RUVBL2: variants seen among roughly 807,000 people sequenced by gnomAD.
RUVBL2 encodes the protein RuvB like AAA ATPase 2.
Under a neutral mutation model 57.9 loss-of-function variants are expected in RUVBL2, and 9 were observed. That is an observed-to-expected ratio of 0.16 (90% CI 0.09 to 0.27). RUVBL2 has a LOEUF of 0.27. Ranked by LOEUF, RUVBL2 falls within the 10% of genes least tolerant of loss-of-function variation. The pLI is 1.00. For missense variants in RUVBL2, 456 were observed against 669.6 expected, an observed-to-expected ratio of 0.68 and a Z score of 3.52; for synonymous variants, 278 against 264.6, an observed-to-expected ratio of 1.05 and a Z score of -0.49.
chr19:49,015,069 G>A lies in RUVBL2; in HGVS notation c.1170G>A (p.Leu390=). 6.2e-7 allele frequency: 1 copy of A among 1,609,046 alleles called. No homozygotes were observed. Among genetic ancestry groups the A allele is most frequent in the Non-Finnish European group, 8.5e-7 (1 of 1,177,792 alleles). Reference sequence around the variant, plus strand: ...TGAGTGAGGACGCCTACACGGTGCTGACCCGCATCGGGCTGGAGACGTCAC... The same window carrying A: ...TGAGTGAGGACGCCTACACGGTGCTAACCCGCATCGGGCTGGAGACGTCAC... The part of the protein sequence containing the change: ...VEMSEDAYTV[L]TRIGLETSLR... The change falls in exon 13 of 15, where the codon CTG becomes CTA. Residue 390 remains leucine, a synonymous_variant. Transcript: ENST00000595090.
At position 49,007,154 on chromosome 19, in the gene RUVBL2, G is replaced by C. The variant is rs559622624; in HGVS notation, c.395+7G>C. ...CCATCGGCGTTCGCATCAAGTAAGC[G>C]GGGGACCCGAGGCGGGTGCCAGACC... On this transcript the variant is annotated splice_region_variant and intron_variant, in intron 5 of 14. Coordinates refer to ENST00000595090, the MANE Select transcript of RUVBL2 (RefSeq NM_006666.3). 2 of 1,613,238 alleles carry C rather than the reference G, an allele frequency of 1.2e-6. No individual in the cohort carries two copies. The highest frequency in any genetic ancestry group is 1.1e-5 in the South Asian group (1 of 91,078).
At chr19:48,994,140 T>G in intron 1 of RUVBL2, 1 of 596,756 alleles carries the variant, frequency 1.7e-6, no homozygotes, top group Non-Finnish European at 3.0e-6. Context: ...GGGGCTGGGA[T>G]CCCAGAATCT....
At chr19:49,015,189 C>T (rs760738782) in intron 13 of RUVBL2, 39 bp downstream of exon 13, 2 of 1,591,460 alleles carry the variant, frequency 1.3e-6, no homozygotes, top group Non-Finnish European at 1.7e-6. Context: ...CAGATGGCGG[C>T]AGTGAGTGAC....
intron 2 of RUVBL2, among the ~76,000 whole-genome samples, chr19:49,002,706 T>C (rs113937973): frequency 1.3e-5 from 2 of 152,286 alleles, no homozygotes; most frequent in African/African-American, 2.4e-5. Context: ...TGCCTCAGCC[T>C]CCTGAGAAGC....
upstream of RUVBL2, chr19:48,993,845 G>A: frequency 6.2e-7 from 1 of 1,603,936 alleles, no homozygotes. Context: ...CTAGCCTAGA[G>A]GAGCCAGAAC....
In RUVBL2 at chr19:49,009,554, G is replaced by C. The variant is rs564892945; in HGVS notation, c.463-222G>C. ...AAGCTGTACACATTGCAAGTGTCCAGTATGGTCCGTTGGGACATACATGTT... is the reference window on the plus strand; with the variant it reads ...AAGCTGTACACATTGCAAGTGTCCACTATGGTCCGTTGGGACATACATGTT... On this transcript the variant is annotated intron_variant, in intron 6 of 14. Transcript: ENST00000595090. 3.9e-5 allele frequency among the ~76,000 whole-genome samples: 6 copies of C among 152,286 alleles called. No individual in the cohort carries two copies. The South Asian group carries it at 1.2e-3, about 32-fold the overall frequency.
At chr19:49,000,447 C>G (rs1429638450) in intron 2 of RUVBL2, among the ~76,000 whole-genome samples, 2 of 151,532 alleles carry the variant, frequency 1.3e-5, no homozygotes, top group Admixed American at 6.6e-5. Flanking sequence ...CCCAGCTACT[C>G]GGGAGGCTGA....
At chr19:49,013,883 C>T (rs75287599) in intron 11 of RUVBL2, among the ~76,000 whole-genome samples, 10,627 of 152,314 alleles carry the variant, frequency 0.07, 448 homozygotes, top group Middle Eastern at 0.12. Context: ...CACTGCACTC[C>T]AGCCTCGCAA....
chr19:49,014,602 C>T lies in RUVBL2; in HGVS notation c.1120C>T (p.Arg374Trp), dbSNP rs1342263690. 8.7e-6 allele frequency: 14 copies of T among 1,613,958 alleles called. No individual in the cohort carries two copies. The highest frequency in any genetic ancestry group is 1.1e-5 in the Non-Finnish European group (13 of 1,179,958). Residue 374 changes from arginine (R) to tryptophan (W), a missense_variant and splice_region_variant, in exon 12 of 15, where the codon CGG (arginine) becomes TGG (tryptophan). By Grantham distance (101) the Arg-to-Trp change is moderately radical. Around this residue, in one of 5 missense-constraint regions of RUVBL2, gnomAD observed 130 missense variants for 243.0 expected, o/e 0.53. Transcript: ENST00000595090. ...EKDTKQILRI[R>W]CEEEDVEMSE... ...AGACACGAAGCAGATCCTCCGCATC[C>T]GGTGCGGGCAGGACCAGGCCGTGCG...
chr19:49,004,756 C>T (rs936289421), intron 4 of RUVBL2, among the ~76,000 whole-genome samples: 5 of 152,118 alleles, frequency 3.3e-5, no homozygotes, highest in African/African-American at 1.2e-4. Flanking sequence ...TGAACCCCCT[C>T]GAGTTGGCTT....
rs555601330 is a variant in RUVBL2 at position 49,015,589 on chromosome 19, G to A, written c.1269G>A (p.Val423=). ...CRKRKGTEVQ[V]DDIKRVYSLF... ...CCCTCCAGGGTACAGAAGTGCAGGT[G>A]GATGACATCAAGCGGGTCTACTCAC... is the stretch of plus-strand genomic sequence containing the variant. Residue 423 remains valine, a synonymous_variant, in exon 14 of 15, where the codon GTG becomes GTA. Transcript: ENST00000595090. 6.2e-6 allele frequency: 10 copies of A among 1,613,926 alleles called. No homozygotes were observed. Among genetic ancestry groups the A allele is most frequent in the African/African-American group, 2.7e-5 (2 of 75,018 alleles).
intron 4 of RUVBL2, among the ~76,000 whole-genome samples, chr19:49,006,663 C>G (rs777450070): frequency 6.6e-6 from 1 of 152,244 alleles, no homozygotes; most frequent in African/African-American, 2.4e-5. Context: ...GGCTCCTTGG[C>G]CTTCGTCCCT....
At position 49,015,565 on chromosome 19, in the gene RUVBL2, C is replaced by T. The variant is rs749057285; in HGVS notation, c.1252-7C>T. 2 of 1,609,434 alleles carry T rather than the reference C, an allele frequency of 1.2e-6. No individual in the cohort carries two copies. Among genetic ancestry groups the T allele is most frequent in the African/African-American group, 1.3e-5 (1 of 74,862 alleles). ...GGCCCAACTGAGGACTCGCCCTCCC[C>T]CTCCAGGGTACAGAAGTGCAGGTGG... On this transcript the variant is annotated splice_polypyrimidine_tract_variant and splice_region_variant and intron_variant, in intron 13 of 14. Transcript: ENST00000595090.
rs1185864667 is a variant in RUVBL2, at chr19:49,003,335, G to A, written c.123+1G>A. 1 of 1,613,762 alleles carries A rather than the reference G, an allele frequency of 6.2e-7. No homozygotes were observed. The highest frequency in any genetic ancestry group is 1.3e-5 in the African/African-American group (1 of 74,924). ...GGACGATGCCTTGGAGCCTCGGCAG[G>A]TAGAGCAGAGGAGGCTGGGGTGTGA... On this transcript the variant is annotated splice_donor_variant, in intron 3 of 14. Transcript: ENST00000595090. LOFTEE classifies it high-confidence loss of function.
At chr19:49,002,164 T>G (rs1377654245) in intron 2 of RUVBL2, among the ~76,000 whole-genome samples, 1 of 152,022 alleles carries the variant, frequency 6.6e-6, no homozygotes, top group African/African-American at 2.4e-5. Context: ...CTCTCATGCC[T>G]CAGCCTCCCG....
In RUVBL2 at chr19:49,010,024, C is replaced by T. The variant is rs758707888; in HGVS notation, c.621C>T (p.Arg207=). Residue 207 remains arginine (R), a synonymous_variant, in exon 8 of 15, where the codon CGC becomes CGT. Coordinates refer to ENST00000595090, the MANE Select transcript of RUVBL2 (RefSeq NM_006666.3). Reference sequence around the variant, plus strand: ...CGGGCAAGATCTCCAAGCTGGGCCGCTCCTTCACACGCGCCCGCGACTACG... The same window carrying T: ...CGGGCAAGATCTCCAAGCTGGGCCGTTCCTTCACACGCGCCCGCGACTACG... The part of the protein sequence containing the change: ...KATGKISKLG[R]SFTRARDYDA... 1.4e-5 allele frequency: 23 copies of T among 1,592,040 alleles called. No homozygotes were observed. Among genetic ancestry groups the T allele is most frequent in the East Asian group, 6.7e-5 (3 of 44,670 alleles).
chr19:49,000,381 C>T (rs767352411), intron 2 of RUVBL2, among the ~76,000 whole-genome samples: 10 of 151,990 alleles, frequency 6.6e-5, no homozygotes, highest in Non-Finnish European at 1.5e-5. Flanking sequence ...ATGGTGAAAC[C>T]TCGTCTCTAC....
At chr19:49,002,944 G>T (rs2039213183) in intron 2 of RUVBL2, among the ~76,000 whole-genome samples, 1 of 152,230 alleles carries the variant, frequency 6.6e-6, no homozygotes, top group Non-Finnish European at 1.5e-5. Context: ...TGTGGGTGCT[G>T]TGTAAACCAT....
rs1488396894 is a variant in RUVBL2 at position 49,009,810 on chromosome 19, C to T, written c.497C>T (p.Thr166Ile). The T allele has an allele frequency of 6.2e-7, 1 of 1,614,078 alleles. No individual in the cohort carries two copies. Among genetic ancestry groups the T allele is most frequent in the Non-Finnish European group, 8.5e-7 (1 of 1,179,998 alleles). ...GTGGGCAAACTGACCCTCAAGACCA[C>T]AGAGATGGAGACCATCTACGACCTG... ...SKVGKLTLKT[T>I]EMETIYDLGT... The change falls in exon 7 of 15, where the codon ACA becomes ATA. Residue 166 changes from threonine (T) to isoleucine (I), a missense_variant. This residue lies in a region of RUVBL2 where 233 missense variants were observed against 306.0 expected (regional missense o/e 0.76). Coordinates refer to ENST00000595090, the MANE Select transcript of RUVBL2 (RefSeq NM_006666.3).
Sources: allele counts gnomAD v4.1 joint callset (sites outside exome capture counted in the v4.1 genomes callset), GRCh38; gene constraint gnomAD v4.1.1; regional missense constraint gnomAD v4.1.1; transcripts MANE v1.5; gene names NCBI Gene and HGNC (gene_info 2026-07-23, HGNC 2026-07-21).